The following KATNIP variants were observed in gnomAD, a reference collection of about 807,000 sequenced individuals.
KATNIP encodes the protein katanin interacting protein.
A neutral mutation model predicts 174.0 loss-of-function variants in KATNIP; 126 were observed. The observed-to-expected ratio is 0.72, with a 90% CI of 0.63 to 0.84. The LOEUF is 0.84. Among genes scored for constraint, KATNIP ranks in the 40% least tolerant of loss-of-function variants. KATNIP has a pLI of 0.00. For synonymous variants in KATNIP, 810 were observed against 835.7 expected (o/e 0.97, Z 0.53); for missense variants, 1,958 against 2,109.7 (o/e 0.93, Z 1.41).
intron 2 of KATNIP, among the ~76,000 whole-genome samples, chr16:27,585,223 C>T (rs1169142258): frequency 6.6e-6 from 1 of 152,116 alleles, no homozygotes; most frequent in African/African-American, 2.4e-5. Flanking sequence ...ATCAAAACTA[C>T]AATGAGATAT....
chr16:27,626,011 A>C (rs2076322987), intron 3 of KATNIP, among the ~76,000 whole-genome samples: 1 of 151,472 alleles, frequency 6.6e-6, no homozygotes, highest in Non-Finnish European at 1.5e-5. Flanking sequence ...TACCACGCCC[A>C]GTTAATTTTT....
chr16:27,720,985 C>G (rs962452550), intron 13 of KATNIP, among the ~76,000 whole-genome samples: 1 of 152,198 alleles, frequency 6.6e-6, no homozygotes, highest in Non-Finnish European at 1.5e-5. Flanking sequence ...TCACCTGCCC[C>G]TGGGGCCTCC....
At chr16:27,773,013 A>G in intron 22 of KATNIP, 86 bp from the exon 23 acceptor site, 1 of 759,280 alleles carries the variant, frequency 1.3e-6, no homozygotes, top group East Asian at 2.7e-5. Flanking sequence ...CATAAACCCA[A>G]AACAATTCCT....
chr16:27,669,823 G>T (rs1007874439), intron 6 of KATNIP, among the ~76,000 whole-genome samples: 3 of 150,558 alleles, frequency 2.0e-5, no homozygotes, highest in African/African-American at 7.3e-5. Flanking sequence ...ATTTTCTTTG[G>T]GGAGAGGGAA....
intron 1 of KATNIP, among the ~76,000 whole-genome samples, chr16:27,552,227 T>G (rs116432260): frequency 2.0e-5 from 3 of 152,210 alleles, no homozygotes; most frequent in African/African-American, 4.8e-5. Context: ...TTTTTTGTTA[T>G]GCTGTTTTGG....
intron 20 of KATNIP, among the ~76,000 whole-genome samples, chr16:27,768,363 C>T (rs2144143969): frequency 6.6e-6 from 1 of 152,310 alleles, no homozygotes; most frequent in African/African-American, 2.4e-5. Context: ...GAGCAGAGGA[C>T]ATGTGGCCAG....
chr16:27,667,630 C>A (rs190051564), intron 6 of KATNIP, among the ~76,000 whole-genome samples: 2 of 152,102 alleles, frequency 1.3e-5, no homozygotes, highest in African/African-American at 2.4e-5. Context: ...ATCTCTACCC[C>A]CAAGACTGCT....
chr16:27,550,652 G>C (rs2089312882), intron 1 of KATNIP, among the ~76,000 whole-genome samples: 2 of 152,144 alleles, frequency 1.3e-5, no homozygotes, highest in African/African-American at 4.8e-5. Context: ...CTTTAACAAA[G>C]TGCTTTCCAG....
chr16:27,697,161 G>T (rs1387330973), intron 8 of KATNIP, among the ~76,000 whole-genome samples: 1 of 152,136 alleles, frequency 6.6e-6, no homozygotes, highest in Non-Finnish European at 1.5e-5. Context: ...ATTCCTTTGG[G>T]TATATACCTA....
chr16:27,726,113 G>A (rs2080438435), intron 14 of KATNIP, among the ~76,000 whole-genome samples: 1 of 152,162 alleles, frequency 6.6e-6, no homozygotes, highest in Admixed American at 6.5e-5. Flanking sequence ...ATCAGCAGCG[G>A]CATGAGATTC....
At chr16:27,602,444 G>A (rs11074865) in intron 2 of KATNIP, among the ~76,000 whole-genome samples, 107,168 of 152,056 alleles carry the variant, frequency 0.7, 38,446 homozygotes, top group African/African-American at 0.81. Flanking sequence ...CTCTTCCCCA[G>A]ATGTGCTGAG....
At chr16:27,623,481 T>C (rs1403290518) in intron 3 of KATNIP, among the ~76,000 whole-genome samples, 1 of 152,044 alleles carries the variant, frequency 6.6e-6, no homozygotes, top group African/African-American at 2.4e-5. Context: ...TTGATTGAGA[T>C]GGGGGTCTCA....
At chr16:27,556,797 C>A (rs2141553854) in intron 1 of KATNIP, among the ~76,000 whole-genome samples, 1 of 152,262 alleles carries the variant, frequency 6.6e-6, no homozygotes, top group South Asian at 2.1e-4. Context: ...AATAAAATAA[C>A]AATCAAATGC....
chr16:27,650,888 A>C (rs1182912455), intron 6 of KATNIP, among the ~76,000 whole-genome samples: 1 of 152,184 alleles, frequency 6.6e-6, no homozygotes, highest in African/African-American at 2.4e-5. Context: ...GGACTTTATT[A>C]CCTTTAAAAC....
At chr16:27,681,230 A>G (rs752735873) in intron 7 of KATNIP, 169 bp from the exon 8 acceptor site, 41 of 808,078 alleles carry the variant, frequency 5.1e-5, no homozygotes, top group Non-Finnish European at 7.5e-5. Context: ...ACTCTCAGCA[A>G]ACTTGTTTCG....
chr16:27,559,785 A>G (rs1340797666), intron 1 of KATNIP, among the ~76,000 whole-genome samples: 1 of 151,774 alleles, frequency 6.6e-6, no homozygotes, highest in Non-Finnish European at 1.5e-5. Flanking sequence ...GTTTGAGAAC[A>G]GCCTGGCCAA....
intron 2 of KATNIP, among the ~76,000 whole-genome samples, chr16:27,586,834 AAAAAAAAC>A (rs1264168685): frequency 6.6e-6 from 1 of 151,576 alleles, no homozygotes; most frequent in Non-Finnish European, 1.5e-5. Context: ...GTCTCAAAAA[AAAAAAAAC>A]AAAAAAACAA....
intron 14 of KATNIP, among the ~76,000 whole-genome samples, chr16:27,729,513 C>A (rs945647164): frequency 6.6e-6 from 1 of 152,172 alleles, no homozygotes; most frequent in African/African-American, 2.4e-5. Flanking sequence ...ATCATACCCA[C>A]CCTAAGTCCT....
intron 13 of KATNIP, among the ~76,000 whole-genome samples, chr16:27,710,948 C>A (rs1477312648): frequency 6.6e-6 from 1 of 152,216 alleles, no homozygotes; most frequent in Non-Finnish European, 1.5e-5. Flanking sequence ...ACTCTGGCCT[C>A]AGCAACTTGC....
Sources: allele counts gnomAD v4.1 joint callset (sites outside exome capture counted in the v4.1 genomes callset), GRCh38; gene constraint gnomAD v4.1.1; transcripts MANE v1.5; gene names NCBI Gene and HGNC (gene_info 2026-07-23, HGNC 2026-07-21).